FBN1: variants seen among roughly 807,000 people sequenced by gnomAD.
The protein encoded by FBN1 is fibrillin 1, also known as fibrillin-1.
A neutral mutation model predicts 365.1 loss-of-function variants in FBN1; 29 were observed. That is an observed-to-expected ratio of 0.08 (90% CI 0.06 to 0.11). The LOEUF is 0.11. FBN1 is among the 10% of genes least tolerant of loss of function. The probability of loss-of-function intolerance (pLI) is 1.00; values close to 1 mark genes in which losing one functional copy is unlikely to be tolerated. For synonymous variants in FBN1, 1,210 were observed against 1,270.5 expected (o/e 0.95, Z 1.01); for missense variants, 2,476 against 3,703.2 (o/e 0.67, Z 8.60).
intron 6 of FBN1, among the ~76,000 whole-genome samples, chr15:48,546,340 T>C (rs1246822361): frequency 6.6e-6 from 1 of 152,230 alleles, no homozygotes; most frequent in African/African-American, 2.4e-5. Flanking sequence ...TGGGTACACC[T>C]GCCTTGGTAA....
Position 48,508,566 on chromosome 15 carries a change from G to A in FBN1, c.1837+16C>T, listed in dbSNP as rs1355485087. ...AGGCACGTGAAGAACATGATCTAGGGTTTTATAGCACGAACCTTTGCAATA... is the reference window on the plus strand; with the variant it reads ...AGGCACGTGAAGAACATGATCTAGGATTTTATAGCACGAACCTTTGCAATA... On this transcript the variant is annotated intron_variant, in intron 15 of 65. Transcript: ENST00000316623. 2.5e-6 allele frequency: 4 copies of A among 1,613,506 alleles called. No individual in the cohort carries two copies. Among genetic ancestry groups the A allele is most frequent in the Non-Finnish European group, 3.4e-6 (4 of 1,179,628 alleles).
At chr15:48,594,919 T>C (rs2044505340) in intron 6 of FBN1, among the ~76,000 whole-genome samples, 1 of 152,198 alleles carries the variant, frequency 6.6e-6, no homozygotes, top group African/African-American at 2.4e-5. Context: ...CAGAATGATA[T>C]TGCCTAGAAG....
In FBN1 at chr15:48,425,392, T is replaced by C. The variant is rs747777955; in HGVS notation, c.7430A>G (p.Gln2477Arg). 29 of 1,614,094 alleles carry C rather than the reference T, an allele frequency of 1.8e-5. No individual in the cohort carries two copies. The highest frequency in any genetic ancestry group is 4.5e-5 in the East Asian group (2 of 44,904). ...ACCTTTGCAGCTCCTTCCATCCTCT[T>C]GCAGAATGTAGCCTTTCGGGCATGA... ...QCSCPKGYIL[Q>R]EDGRSCKDLD... The change falls in exon 60 of 66, where the codon CAA (glutamine) becomes CGA (arginine). Residue 2477 changes from glutamine (Q) to arginine (R), a missense_variant. Gln to Arg is a conservative substitution (Grantham distance 43). Transcript: ENST00000316623.
chr15:48,533,965 C>T, intron 8 of FBN1, 115 bp downstream of exon 8: 1 of 1,401,490 alleles, frequency 7.1e-7, no homozygotes, highest in Non-Finnish European at 1.0e-6. Flanking sequence ...TACACATTCA[C>T]AGGGATGACA....
chr15:48,591,499 T>C (rs1354738), intron 6 of FBN1, among the ~76,000 whole-genome samples: 29,653 of 152,244 alleles, frequency 0.19, 3,280 homozygotes, highest in Middle Eastern at 0.25. Context: ...TTGGAGCACA[T>C]TTATATGTCC....
At chr15:48,507,668 A>G (rs1033150513) in intron 15 of FBN1, among the ~76,000 whole-genome samples, 14 of 152,168 alleles carry the variant, frequency 9.2e-5, no homozygotes, top group African/African-American at 3.1e-4. Flanking sequence ...GCACACAGAG[A>G]AGAGGCACCA....
At chr15:48,434,860 C>T (rs1196240334) in intron 53 of FBN1, 147 bp from the exon 54 acceptor site, 15 of 933,544 alleles carry the variant, frequency 1.6e-5, no homozygotes, top group Admixed American at 4.0e-5. Context: ...TGCTGTGGCG[C>T]GATTTCAGCT....
chr15:48,576,956 T>G (rs2044352672), intron 6 of FBN1, among the ~76,000 whole-genome samples: 2 of 152,114 alleles, frequency 1.3e-5, no homozygotes, highest in South Asian at 4.1e-4. Context: ...AGCACCAAAT[T>G]TTATTATTTT....
chr15:48,544,941 C>T (rs1430166275), intron 6 of FBN1, among the ~76,000 whole-genome samples: 1 of 152,118 alleles, frequency 6.6e-6, no homozygotes, highest in African/African-American at 2.4e-5. Context: ...ATACAGAATA[C>T]TTTCATTCTT....
intron 38 of FBN1, among the ~76,000 whole-genome samples, chr15:48,466,396 T>C (rs1037066773): frequency 6.6e-6 from 1 of 152,254 alleles, no homozygotes; most frequent in African/African-American, 2.4e-5. Context: ...ATTGATTCTC[T>C]TGGTTTCCAA....
chr15:48,496,237 A>T lies in FBN1; in HGVS notation c.2294-12T>A. 1 of 1,613,638 alleles carries T rather than the reference A, an allele frequency of 6.2e-7. No homozygotes were observed. The highest frequency in any genetic ancestry group is 8.5e-7 in the Non-Finnish European group (1 of 1,179,670). ...ACATTCATTAATATCTGCAAAGTCA[A>T]TGAAAATAAACACTTAAAAAGGGCC... On this transcript the variant is annotated splice_polypyrimidine_tract_variant and intron_variant, in intron 19 of 65. Transcript: ENST00000316623.
At chr15:48,420,157 T>C (rs984781433) in intron 63 of FBN1, among the ~76,000 whole-genome samples, 1 of 152,002 alleles carries the variant, frequency 6.6e-6, no homozygotes, top group African/African-American at 2.4e-5. Context: ...AGTCAGTAGA[T>C]CTCCCTTAAT....
intron 6 of FBN1, among the ~76,000 whole-genome samples, chr15:48,566,337 C>T (rs1023994101): frequency 6.6e-6 from 1 of 152,202 alleles, no homozygotes; most frequent in East Asian, 1.9e-4. Flanking sequence ...TGAAGCCTTT[C>T]AGCTATTTTG....
rs1021695337 is a variant in FBN1, at chr15:48,448,950, C to T, written c.5546-57G>A. Reference sequence around the variant, plus strand: ...TAGAAGACAAAATATAATTGAATAACTTACTTCTAGCTATCATTCTCAGGA... The same window carrying T: ...TAGAAGACAAAATATAATTGAATAATTTACTTCTAGCTATCATTCTCAGGA... On this transcript the variant is annotated intron_variant, in intron 45 of 65. Transcript: ENST00000316623. 1.3e-5 allele frequency: 19 copies of T among 1,429,308 alleles called. No homozygotes were observed. The African/African-American group carries it at 2.7e-4, about 20-fold the overall frequency. 88.5% of individuals were successfully genotyped at this position (1,429,308 alleles called of 1,614,324 possible).
rs752457534 is a variant in FBN1 at position 48,495,202 on chromosome 15, G to A, written c.2598C>T (p.Ile866=). Residue 866 remains isoleucine (I), a synonymous_variant, in exon 22 of 66, where the codon ATC becomes ATT. Transcript: ENST00000316623. ...ACTGGGACTTTAAGGTGGCTCCATTGATGTTGATCTCACATCGCCCATCAA... is the reference window on the plus strand; with the variant it reads ...ACTGGGACTTTAAGGTGGCTCCATTAATGTTGATCTCACATCGCCCATCAA... ...TVIDGRCEIN[I]NGATLKSQCC... 1.1e-5 allele frequency: 17 copies of A among 1,614,046 alleles called. No homozygotes were observed. Among genetic ancestry groups the A allele is most frequent in the Admixed American group, 3.3e-5 (2 of 59,998 alleles).
chr15:48,413,836 G>C (rs1351149537), intron 64 of FBN1, among the ~76,000 whole-genome samples: 2 of 152,198 alleles, frequency 1.3e-5, no homozygotes, highest in Non-Finnish European at 2.9e-5. Flanking sequence ...CCAATGAACA[G>C]AATATCTGTT....
intron 20 of FBN1, 141 bp downstream of exon 20, chr15:48,495,959 G>T: frequency 9.8e-7 from 1 of 1,020,810 alleles, no homozygotes; most frequent in Non-Finnish European, 1.5e-6. Flanking sequence ...GTACATACTA[G>T]TGCCATGTAG....
intron 12 of FBN1, among the ~76,000 whole-genome samples, chr15:48,513,930 C>T (rs1276237736): frequency 6.6e-6 from 1 of 152,158 alleles, no homozygotes; most frequent in Non-Finnish European, 1.5e-5. Context: ...ATCTAATAAA[C>T]ATTTTTTCTT....
rs75858888 is a variant in FBN1, at chr15:48,550,994, G to A, written c.539-13186C>T. Among the ~76,000 whole-genome samples the A allele has an allele frequency of 0.017, 2,630 of 150,924 alleles. 200 individuals carry two copies. The East Asian group carries it at 0.24, about 14-fold the overall frequency. On this transcript the variant is annotated intron_variant, in intron 6 of 65. Coordinates refer to ENST00000316623, the MANE Select transcript of FBN1 (RefSeq NM_000138.5). ...GAATGAATGAATGAATGAATGAATGGAGGATGCAAAATGACATATCTTTAA... is the reference window on the plus strand; with the variant it reads ...GAATGAATGAATGAATGAATGAATGAAGGATGCAAAATGACATATCTTTAA...
Sources: allele counts gnomAD v4.1 joint callset (sites outside exome capture counted in the v4.1 genomes callset), GRCh38; gene constraint gnomAD v4.1.1; transcripts MANE v1.5; gene names NCBI Gene and HGNC (gene_info 2026-07-23, HGNC 2026-07-21).